Variants in MROH2B observed in about 807,000 individuals in gnomAD.
MROH2B encodes maestro heat-like repeat-containing protein family member 2B.
Under a neutral mutation model 208.6 loss-of-function variants are expected in MROH2B, and 177 were observed. The ratio of observed to expected loss-of-function variants is 0.85; its 90% CI spans 0.75 to 0.96. The LOEUF is 0.96. Ranked by LOEUF, MROH2B falls within the 40% of genes least tolerant of loss-of-function variation. The pLI is 0.00. For synonymous variants in MROH2B, 728 were observed against 659.0 expected (o/e 1.10, Z -1.60); for missense variants, 2,002 against 1,878.7 (o/e 1.07, Z -1.21).
In MROH2B at chr5:41,000,271, A is replaced by G. The variant is rs1741346679; in HGVS notation, c.4431T>C (p.Asp1477=). Residue 1477 remains aspartate, a synonymous_variant, in exon 39 of 42, where the codon GAT becomes GAC. Transcript: ENST00000399564. ...ELYGVLDRLL[D]QDLPRARDFY... ...AATCCCTGGCCCTTGGTAGATCCTGATCAAGGAGACGGTCTAATACCCCAT... is the reference window on the plus strand; with the variant it reads ...AATCCCTGGCCCTTGGTAGATCCTGGTCAAGGAGACGGTCTAATACCCCAT... 1.9e-6 allele frequency: 3 copies of G among 1,613,814 alleles called. No individual in the cohort carries two copies. The highest frequency in any genetic ancestry group is 2.7e-5 in the African/African-American group (2 of 74,916).
intron 21 of MROH2B, among the ~76,000 whole-genome samples, chr5:41,037,793 G>A (rs942434094): frequency 2.6e-5 from 4 of 152,176 alleles, no homozygotes; most frequent in Admixed American, 1.3e-4. Context: ...CAGATTTCCA[G>A]AGTTTTCCCA....
chr5:41,030,793 A>C (rs1173349247), intron 24 of MROH2B, among the ~76,000 whole-genome samples: 3 of 152,144 alleles, frequency 2.0e-5, no homozygotes, highest in African/African-American at 7.2e-5. Context: ...CAGAATAGAG[A>C]ACCCAAAAAT....
chr5:41,069,800 T>C, intron 1 of MROH2B, 48 bp from the exon 2 acceptor site: 1 of 1,340,414 alleles, frequency 7.5e-7, no homozygotes, highest in Non-Finnish European at 1.1e-6. Context: ...TGAAATGCCC[T>C]CCTGTTAATT....
Position 41,026,648 on chromosome 5 carries a change from G to C in MROH2B, c.2441+6094C>G, listed in dbSNP as rs190950345. On this transcript the variant is annotated intron_variant, in intron 24 of 41. Coordinates refer to ENST00000399564, the MANE Select transcript of MROH2B (RefSeq NM_173489.5). ...ATAGATTCAATGCCATCCCTGTCAA[G>C]CTACCCATGACTTTCTTCATAGAAT... 3.0e-4 allele frequency among the ~76,000 whole-genome samples: 45 copies of C among 152,264 alleles called. No individual in the cohort carries two copies. In the East Asian group the frequency reaches 5.4e-3, roughly 18 times the overall value.
chr5:41,020,423 A>C (rs1305029514), intron 24 of MROH2B, among the ~76,000 whole-genome samples: 4 of 152,128 alleles, frequency 2.6e-5, no homozygotes, highest in Non-Finnish European at 4.4e-5. Context: ...TTAACATGGC[A>C]ACCTGTGCTT....
At chr5:41,017,419 T>C (rs1741990824) in intron 28 of MROH2B, among the ~76,000 whole-genome samples, 1 of 152,184 alleles carries the variant, frequency 6.6e-6, no homozygotes, top group South Asian at 2.1e-4. Context: ...GAAAACCATG[T>C]GATAGAGGAA....
chr5:41,004,576 T>C, intron 36 of MROH2B, 48 bp from the exon 37 acceptor site: 1 of 1,573,900 alleles, frequency 6.4e-7, no homozygotes, highest in Non-Finnish European at 8.6e-7. Flanking sequence ...TCTATGCGTA[T>C]CTGGAAGAGG....
intron 6 of MROH2B, 123 bp downstream of exon 6, chr5:41,061,447 T>A: frequency 2.4e-6 from 2 of 834,604 alleles, no homozygotes; most frequent in Non-Finnish European, 3.4e-6. Context: ...AATTGATAAA[T>A]CTCATAAAAT....
chr5:41,052,010 A>G (rs965684797), intron 12 of MROH2B, among the ~76,000 whole-genome samples: 2 of 152,128 alleles, frequency 1.3e-5, no homozygotes, highest in Non-Finnish European at 2.9e-5. Flanking sequence ...TCACTGTTCC[A>G]TGGTATTTTG....
At chr5:41,033,959 C>T in intron 21 of MROH2B, 95 bp from the exon 22 acceptor site, 1 of 1,521,556 alleles carries the variant, frequency 6.6e-7, no homozygotes, top group Middle Eastern at 1.7e-4. Flanking sequence ...ACCTGAAGGA[C>T]AATAGTAAAG....
At chr5:41,008,035 G>T (rs550275358) in intron 33 of MROH2B, among the ~76,000 whole-genome samples, 1 of 152,292 alleles carries the variant, frequency 6.6e-6, no homozygotes, top group African/African-American at 2.4e-5. Flanking sequence ...ACATTGGAAT[G>T]AAAAGTTATG....
chr5:41,033,802 T>TATC, intron 22 of MROH2B, 36 bp downstream of exon 22: 2 of 1,252,108 alleles, frequency 1.6e-6, no homozygotes, highest in South Asian at 1.3e-5. Flanking sequence ...TCTATCTATC[T>TATC]ATCTATCTAT....
At chr5:41,038,203 T>C (rs1561294050) in intron 21 of MROH2B, among the ~76,000 whole-genome samples, 1 of 152,178 alleles carries the variant, frequency 6.6e-6, no homozygotes, top group Non-Finnish European at 1.5e-5. Flanking sequence ...GTAAGTCTTA[T>C]CATATAAAAA....
intron 6 of MROH2B, among the ~76,000 whole-genome samples, chr5:41,058,438 G>T (rs931090978): frequency 1.3e-5 from 2 of 151,844 alleles, no homozygotes; most frequent in Admixed American, 6.6e-5. Flanking sequence ...TTCAATACTT[G>T]CCCTTCTCTC....
rs114101810 is a variant in MROH2B at position 41,052,844 on chromosome 5, T to A, written c.1108-257A>T. Among the ~76,000 whole-genome samples the A allele has an allele frequency of 4.0e-3, 615 of 152,306 alleles. 4 individuals carry two copies. The highest frequency in any genetic ancestry group is 0.014 in the African/African-American group (594 of 41,574). On this transcript the variant is annotated intron_variant, in intron 11 of 41. Transcript: ENST00000399564. ...TGGTTGAGCATTCCTAATCTGAAAATCCAAATTCTGAAATGCTATAATGAG... is the reference window on the plus strand; with the variant it reads ...TGGTTGAGCATTCCTAATCTGAAAAACCAAATTCTGAAATGCTATAATGAG...
intron 24 of MROH2B, among the ~76,000 whole-genome samples, chr5:41,021,200 G>A (rs1247177988): frequency 6.6e-6 from 1 of 152,148 alleles, no homozygotes; most frequent in Non-Finnish European, 1.5e-5. Context: ...TTCATTTACA[G>A]CAGCATCAAA....
At chr5:41,005,425 CTTGAAGT>C (rs1741553702) in intron 35 of MROH2B, 99 bp downstream of exon 35, 229 of 216,660 alleles carry the variant, frequency 1.1e-3, no homozygotes, top group Non-Finnish European at 1.3e-3. Flanking sequence ...CCCCCCCCCC[CTTGAAGT>C]CTCTCTTCCC....
At chr5:41,013,946 T>C (rs764666973) in intron 29 of MROH2B, among the ~76,000 whole-genome samples, 6 of 152,206 alleles carry the variant, frequency 3.9e-5, no homozygotes, top group African/African-American at 7.2e-5. Context: ...CAAACTGACT[T>C]CCCTAATTTT....
chr5:41,017,749 G>T, intron 28 of MROH2B, 101 bp downstream of exon 28: 1 of 1,316,318 alleles, frequency 7.6e-7, no homozygotes, highest in Non-Finnish European at 1.0e-6. Context: ...AGAGAGGAGA[G>T]GGGAGGAGGG....
Sources: gnomAD v4.1 joint callset for allele counts (sites outside exome capture counted in the v4.1 genomes callset) on GRCh38, gnomAD v4.1.1 for gene constraint, MANE v1.5 for transcripts, NCBI Gene and HGNC (gene_info 2026-07-23, HGNC 2026-07-21) for gene names.